PDE4B: variants seen among roughly 807,000 people sequenced by gnomAD.
PDE4B encodes phosphodiesterase 4B, also known as 3',5'-cyclic-AMP phosphodiesterase 4B.
PDE4B carries 20 observed loss-of-function variants against 82.2 expected under a neutral mutation model. The observed-to-expected ratio is 0.24, with a 90% CI of 0.17 to 0.35. The LOEUF (loss-of-function observed/expected upper bound fraction) is 0.35. Among genes scored for constraint, PDE4B ranks in the 10% least tolerant of loss-of-function variants. PDE4B has a pLI of 1.00. For missense variants in PDE4B, 655 were observed against 907.2 expected (o/e 0.72, Z 3.57); for synonymous variants, 320 against 318.9 (o/e 1.00, Z -0.04).
At chr1:65,986,005 C>T (rs1413508383) in intron 3 of PDE4B, among the ~76,000 whole-genome samples, 1 of 152,048 alleles carries the variant, frequency 6.6e-6, no homozygotes. Flanking sequence ...CATAGATAAA[C>T]TGCTGTGATT....
At chr1:66,177,257 C>A (rs1342345281) in intron 3 of PDE4B, among the ~76,000 whole-genome samples, 1 of 152,146 alleles carries the variant, frequency 6.6e-6, no homozygotes, top group Non-Finnish European at 1.5e-5. Context: ...CCCATGTTAC[C>A]CCTACCACAA....
At chr1:65,918,539 T>C in intron 2 of PDE4B, 58 bp from the exon 3 acceptor site, 1 of 1,016,956 alleles carries the variant, frequency 9.8e-7, no homozygotes, top group Non-Finnish European at 1.6e-6. Flanking sequence ...TCACTCCATT[T>C]AACATTTGAA....
intron 7 of PDE4B, among the ~76,000 whole-genome samples, chr1:66,310,508 T>A (rs564290458): frequency 1.3e-5 from 2 of 152,316 alleles, no homozygotes; most frequent in Non-Finnish European, 2.9e-5. Flanking sequence ...AAAAAAAGTA[T>A]CTTTAAGTGG....
intron 1 of PDE4B, among the ~76,000 whole-genome samples, chr1:65,887,438 T>TTTTA (rs1553196174): frequency 4.3e-5 from 5 of 115,924 alleles, no homozygotes; most frequent in African/African-American, 1.8e-4. Flanking sequence ...TTTTTTTTTT[T>TTTTA]ACAGGGTCTC....
intron 3 of PDE4B, among the ~76,000 whole-genome samples, chr1:66,240,842 C>G (rs969871963): frequency 2.6e-5 from 4 of 152,098 alleles, no homozygotes; most frequent in African/African-American, 9.7e-5. Context: ...AGGGATCTAC[C>G]TCACAACTTC....
intron 3 of PDE4B, among the ~76,000 whole-genome samples, chr1:66,237,745 A>G (rs534476801): frequency 6.6e-6 from 1 of 152,344 alleles, no homozygotes; most frequent in Admixed American, 6.5e-5. Context: ...ATACTTTGTA[A>G]AAACAAGTTG....
At chr1:66,287,649 C>T (rs949022231) in intron 7 of PDE4B, among the ~76,000 whole-genome samples, 1 of 152,098 alleles carries the variant, frequency 6.6e-6, no homozygotes, top group Non-Finnish European at 1.5e-5. Context: ...TTGTCTTTGC[C>T]TCTGTTTCCC....
rs967023594 is a variant in PDE4B at position 66,329,429 on chromosome 1, T to G, written c.635-3079T>G. ...GAAGAAAGGAAAAAACTTTATATTTTAGTATCTTTTATAGCAATTTTACTG... is the reference window on the plus strand; with the variant it reads ...GAAGAAAGGAAAAAACTTTATATTTGAGTATCTTTTATAGCAATTTTACTG... On this transcript the variant is annotated intron_variant, in intron 7 of 16. Coordinates refer to ENST00000341517, the MANE Select transcript of PDE4B (RefSeq NM_002600.4). Among the ~76,000 whole-genome samples the G allele has an allele frequency of 5.3e-5, 8 of 152,236 alleles. No individual in the cohort carries two copies. The East Asian group carries it at 9.6e-4, about 18-fold the overall frequency.
chr1:66,294,666 A>AT (rs35704964), intron 7 of PDE4B, among the ~76,000 whole-genome samples: 3 of 152,152 alleles, frequency 2.0e-5, no homozygotes, highest in South Asian at 2.1e-4. Context: ...TTTTATCTGT[A>AT]TTTTTTTGTT....
chr1:66,338,301 T>G (rs1660677890), intron 8 of PDE4B, among the ~76,000 whole-genome samples: 1 of 152,230 alleles, frequency 6.6e-6, no homozygotes, highest in Non-Finnish European at 1.5e-5. Flanking sequence ...GAAAAAAGTT[T>G]AGAGTTATTT....
chr1:66,353,135 G>A (rs1017738100), intron 8 of PDE4B, among the ~76,000 whole-genome samples: 1 of 152,156 alleles, frequency 6.6e-6, no homozygotes, highest in Admixed American at 6.5e-5. Context: ...TCTTTAAAAC[G>A]AAATAATTTG....
At chr1:66,268,667 C>CAAAAAAAAAAAAAAAATA (rs1655232389) in intron 7 of PDE4B, among the ~76,000 whole-genome samples, 1 of 61,238 alleles carries the variant, frequency 1.6e-5, no homozygotes, top group African/African-American at 7.2e-5. Context: ...GACTCCATCT[C>CAAAAAAAAAAAAAAAATA]AAAAAAAAAA....
intron 3 of PDE4B, among the ~76,000 whole-genome samples, chr1:66,146,910 A>G (rs910020126): frequency 3.9e-5 from 6 of 152,172 alleles, no homozygotes; most frequent in African/African-American, 1.4e-4. Flanking sequence ...TGATGGGTAA[A>G]CACAAAGGAC....
chr1:66,150,062 A>G (rs1448436784), intron 3 of PDE4B, among the ~76,000 whole-genome samples: 1 of 152,156 alleles, frequency 6.6e-6, no homozygotes, highest in East Asian at 1.9e-4. Context: ...AATTGGCCAT[A>G]CATGTGTGAG....
chr1:66,193,488 T>C (rs555709071), intron 3 of PDE4B, among the ~76,000 whole-genome samples: 5 of 152,280 alleles, frequency 3.3e-5, no homozygotes, highest in African/African-American at 1.2e-4. Context: ...TTTCAAATTA[T>C]TTTTGGTGAG....
intron 7 of PDE4B, among the ~76,000 whole-genome samples, chr1:66,286,736 G>A (rs922098696): frequency 1.8e-4 from 28 of 152,178 alleles, no homozygotes; most frequent in African/African-American, 6.8e-4. Context: ...CTGGTAGCAA[G>A]TGGATGGGGT....
At chr1:65,901,438 A>G (rs1326078569) in intron 1 of PDE4B, among the ~76,000 whole-genome samples, 1 of 152,070 alleles carries the variant, frequency 6.6e-6, no homozygotes, top group Non-Finnish European at 1.5e-5. Context: ...AGATTTTGGT[A>G]TCAGGGTTAT....
At chr1:65,864,431 A>C (rs1457749747) in intron 1 of PDE4B, among the ~76,000 whole-genome samples, 2 of 152,010 alleles carry the variant, frequency 1.3e-5, no homozygotes, top group Non-Finnish European at 2.9e-5. Flanking sequence ...TCATTTGGAG[A>C]AGAGGCATTC....
At chr1:66,284,956 A>C (rs1656565680) in intron 7 of PDE4B, among the ~76,000 whole-genome samples, 1 of 152,206 alleles carries the variant, frequency 6.6e-6, no homozygotes, top group African/African-American at 2.4e-5. Flanking sequence ...AAGCAGATTC[A>C]GGCTTGGAAT....
Sources: gnomAD v4.1 joint callset for allele counts (sites outside exome capture counted in the v4.1 genomes callset) on GRCh38, gnomAD v4.1.1 for gene constraint, MANE v1.5 for transcripts, NCBI Gene and HGNC (gene_info 2026-07-23, HGNC 2026-07-21) for gene names.